IGSF10: variants seen among roughly 807,000 people sequenced by gnomAD.
IGSF10 encodes calvaria mechanical force protein 608.
Under a neutral mutation model 128.2 loss-of-function variants are expected in IGSF10, and 126 were observed. The ratio of observed to expected loss-of-function variants is 0.98; its 90% CI spans 0.85 to 1.14. The LOEUF is 1.14. Among genes scored for constraint, IGSF10 ranks in the 50% most tolerant of loss-of-function variants. IGSF10 has a pLI of 0.00. For missense variants in IGSF10, 3,295 were observed against 3,149.8 expected, an observed-to-expected ratio of 1.05 and a Z score of -1.10; for synonymous variants, 1,185 against 1,146.2, an observed-to-expected ratio of 1.03 and a Z score of -0.68.
At chr3:151,502,513 CA>C in the IGSF10 span, among the ~76,000 whole-genome samples, 1 of 151,976 alleles carries the variant, frequency 6.6e-6, no homozygotes, top group Non-Finnish European at 1.5e-5. Flanking sequence ...TAGATTTTGC[CA>C]CAGCTGCTTC....
chr3:151,603,746 A>G, the IGSF10 span, among the ~76,000 whole-genome samples: 1 of 152,240 alleles, frequency 6.6e-6, no homozygotes, highest in Non-Finnish European at 1.5e-5. Flanking sequence ...GGGAGCCAGG[A>G]GAGCTCATGA....
chr3:151,443,138 G>A lies in IGSF10; in HGVS notation c.5809C>T (p.Arg1937Ter), dbSNP rs376533327. Residue 1937 changes from arginine (R) to a stop codon, truncating the protein, a stop_gained, in exon 7 of 8, where the codon CGA becomes TGA. Transcript: ENST00000282466. LOFTEE classifies it high-confidence loss of function. ...GCTTCTATCCTGGGGCTGGTCACTC[G>A]CTCTTCCATTGTAAGCATTACTACT... ...RRVVMLTMEE[R>*]VTSPRIEAAS... 49 of 1,614,056 alleles carry A rather than the reference G, an allele frequency of 3.0e-5. No individual in the cohort carries two copies. Among genetic ancestry groups the A allele is most frequent in the African/African-American group, 8.0e-5 (6 of 74,902 alleles).
the IGSF10 span, among the ~76,000 whole-genome samples, chr3:151,603,446 C>A: frequency 5.9e-5 from 9 of 152,174 alleles, no homozygotes; most frequent in Non-Finnish European, 1.3e-4. Flanking sequence ...TATTTCAGTT[C>A]TTCTAAGAGG....
chr3:151,437,109 T>A lies in IGSF10; in HGVS notation c.7452A>T (p.Ile2484=), dbSNP rs761119607. 1 of 1,614,224 alleles carries A rather than the reference T, an allele frequency of 6.2e-7. No homozygotes were observed. Among genetic ancestry groups the A allele is most frequent in the Non-Finnish European group, 8.5e-7 (1 of 1,180,022 alleles). The change falls in exon 8 of 8, where the codon ATA becomes ATT. Residue 2484 remains isoleucine (I), a synonymous_variant. Transcript: ENST00000282466. The stretch of plus-strand genomic sequence containing the variant: ...TGACTAAGGTGCCATTGTCATGCAA[T>A]ATGTATTTCCCATTAATTTGAGGCC... ...VDRPQINGKY[I]LHDNGTLVIK... is the part of the protein sequence containing the mutation.
chr3:151,513,212 C>T, the IGSF10 span, among the ~76,000 whole-genome samples: 1 of 151,960 alleles, frequency 6.6e-6, no homozygotes. Flanking sequence ...TGTAAAAATC[C>T]TCAATAAAAC....
chr3:151,487,135 A>G, the IGSF10 span, among the ~76,000 whole-genome samples: 4 of 152,212 alleles, frequency 2.6e-5, no homozygotes, highest in African/African-American at 9.6e-5. Context: ...GCAATAAAAA[A>G]TGACAAAGAG....
At chr3:151,576,514 AC>A in the IGSF10 span, among the ~76,000 whole-genome samples, 1 of 152,162 alleles carries the variant, frequency 6.6e-6, no homozygotes, top group Admixed American at 6.5e-5. Flanking sequence ...ATTTAATCAA[AC>A]AGACAATTCG....
At chr3:151,556,435 A>C in the IGSF10 span, among the ~76,000 whole-genome samples, 1 of 152,170 alleles carries the variant, frequency 6.6e-6, no homozygotes, top group Non-Finnish European at 1.5e-5. Flanking sequence ...TATGCTAAGG[A>C]AAAGGTTATG....
At chr3:151,589,878 T>C in the IGSF10 span, among the ~76,000 whole-genome samples, 2 of 152,172 alleles carry the variant, frequency 1.3e-5, no homozygotes, top group African/African-American at 2.4e-5. Context: ...TAGGAATATA[T>C]TGCTTTGAAA....
At chr3:151,492,356 T>C in the IGSF10 span, among the ~76,000 whole-genome samples, 3 of 152,236 alleles carry the variant, frequency 2.0e-5, no homozygotes, top group Admixed American at 6.5e-5. Context: ...CAAGAAATCA[T>C]AAATGTTGGC....
rs1380983237 is a variant in IGSF10, at chr3:151,445,826, T to C, written c.4155A>G (p.Ser1385=). The change falls in exon 6 of 8, where the codon TCA becomes TCG. Residue 1385 remains serine, a synonymous_variant. Coordinates refer to ENST00000282466, the MANE Select transcript of IGSF10 (RefSeq NM_178822.5). ...TGAATGCAGAGACACTGGGCTTGAC[T>C]GAAGTTTCGGCTGTGGTTAGAACAG... ...TPPVLTTAET[S]VKPSVSAFTH... The C allele has an allele frequency of 1.2e-6, 2 of 1,614,098 alleles. No individual in the cohort carries two copies. Among genetic ancestry groups the C allele is most frequent in the Admixed American group, 1.7e-5 (1 of 60,008 alleles).
rs199576775 is a variant in IGSF10 at position 151,437,622 on chromosome 3, A to C, written c.6939T>G (p.Cys2313Trp). Residue 2313 changes from cysteine (C) to tryptophan (W), a missense_variant, in exon 8 of 8, where the codon TGT (cysteine) becomes TGG (tryptophan). Coordinates refer to ENST00000282466, the MANE Select transcript of IGSF10 (RefSeq NM_178822.5). Reference protein sequence around the residue: ...VRLSDSADFICVARNEGGESV... With the variant: ...VRLSDSADFIWVARNEGGESV... ...TCTCTCCACCTTCATTTCGGGCCACACAGATAAAGTCGGCTGAATCTGAAA... is the reference window on the plus strand; with the variant it reads ...TCTCTCCACCTTCATTTCGGGCCACCCAGATAAAGTCGGCTGAATCTGAAA... 1.9e-6 allele frequency: 3 copies of C among 1,614,194 alleles called. No homozygotes were observed. The East Asian group carries it at 6.7e-5, about 36-fold the overall frequency.
At chr3:151,492,048 A>G in the IGSF10 span, among the ~76,000 whole-genome samples, 2 of 152,190 alleles carry the variant, frequency 1.3e-5, no homozygotes, top group African/African-American at 2.4e-5. Context: ...ACCAAAGGAA[A>G]CAATCGACAA....
the IGSF10 span, among the ~76,000 whole-genome samples, chr3:151,531,928 C>A: frequency 6.6e-6 from 1 of 150,654 alleles, no homozygotes; most frequent in Non-Finnish European, 1.5e-5. Context: ...CAAAATAGAC[C>A]GCTAGCAAGA....
the IGSF10 span, among the ~76,000 whole-genome samples, chr3:151,574,264 GC>G: frequency 6.6e-6 from 1 of 152,274 alleles, no homozygotes; most frequent in African/African-American, 2.4e-5. Flanking sequence ...ATGTTGGCCT[GC>G]CTTGCTAGGT....
chr3:151,536,156 T>C, the IGSF10 span, among the ~76,000 whole-genome samples: 81 of 152,126 alleles, frequency 5.3e-4, no homozygotes, highest in African/African-American at 1.8e-3. Flanking sequence ...AAGTCTAGCA[T>C]TGACTTCTGA....
At chr3:151,601,396 C>T in the IGSF10 span, among the ~76,000 whole-genome samples, 1 of 151,948 alleles carries the variant, frequency 6.6e-6, no homozygotes, top group African/African-American at 2.4e-5. Context: ...ACATTTGAAA[C>T]AAAAATGGAA....
At chr3:151,529,917 T>C in the IGSF10 span, among the ~76,000 whole-genome samples, 87 of 152,038 alleles carry the variant, frequency 5.7e-4, no homozygotes, top group Middle Eastern at 3.4e-3. Context: ...TCCTCCGAGT[T>C]AAAGGAACAT....
the IGSF10 span, among the ~76,000 whole-genome samples, chr3:151,498,978 A>T: frequency 6.6e-6 from 1 of 152,120 alleles, no homozygotes; most frequent in Non-Finnish European, 1.5e-5. Flanking sequence ...CAAGAGATCT[A>T]ACAAATGTTT....
Sources: gnomAD v4.1 joint callset for allele counts (sites outside exome capture counted in the v4.1 genomes callset) on GRCh38, gnomAD v4.1.1 for gene constraint, MANE v1.5 for transcripts, NCBI Gene and HGNC (gene_info 2026-07-23, HGNC 2026-07-21) for gene names.